The following CTNNA3 variants were observed in gnomAD, a reference collection of about 807,000 sequenced individuals.
The protein encoded by CTNNA3 is catenin alpha-3.
A neutral mutation model predicts 95.7 loss-of-function variants in CTNNA3; 76 were observed. That is an observed-to-expected ratio of 0.79 (90% confidence interval 0.66 to 0.96). CTNNA3 has a LOEUF of 0.96. Ranked by LOEUF, CTNNA3 falls within the 40% of genes least tolerant of loss-of-function variation. CTNNA3 has a pLI of 0.00. For synonymous variants in CTNNA3, 431 were observed against 374.4 expected (o/e 1.15, Z -1.74); for missense variants, 1,191 against 1,089.8 (o/e 1.09, Z -1.31).
At chr10:67,047,556 C>G (rs1854831699) in intron 7 of CTNNA3, among the ~76,000 whole-genome samples, 1 of 152,088 alleles carries the variant, frequency 6.6e-6, no homozygotes, top group African/African-American at 2.4e-5. Context: ...CACTTATCTA[C>G]CAAATCCAGT....
chr10:67,563,841 C>A (rs1048395169), intron 3 of CTNNA3, among the ~76,000 whole-genome samples: 1 of 150,056 alleles, frequency 6.7e-6, no homozygotes, highest in Non-Finnish European at 1.5e-5. Flanking sequence ...AGGATATGAA[C>A]AGACACTTCT....
intron 5 of CTNNA3, among the ~76,000 whole-genome samples, chr10:67,328,598 A>G (rs1841649953): frequency 6.6e-6 from 1 of 152,204 alleles, no homozygotes; most frequent in African/African-American, 2.4e-5. Flanking sequence ...GCTCCTTGCC[A>G]GTGCAACTCA....
chr10:66,081,688 A>G (rs2080768095), intron 14 of CTNNA3, among the ~76,000 whole-genome samples: 1 of 152,220 alleles, frequency 6.6e-6, no homozygotes, highest in South Asian at 2.1e-4. Flanking sequence ...ACTAATAAAT[A>G]TAGAAGAAGT....
intron 9 of CTNNA3, among the ~76,000 whole-genome samples, chr10:66,722,402 G>C (rs1171533610): frequency 1.3e-5 from 2 of 151,498 alleles, no homozygotes; most frequent in African/African-American, 4.8e-5. Flanking sequence ...ATGCTAAACT[G>C]TGGTTGATGT....
chr10:66,004,399 C>T (rs1422854848), intron 15 of CTNNA3, among the ~76,000 whole-genome samples: 1 of 151,808 alleles, frequency 6.6e-6, no homozygotes. Flanking sequence ...TCCTTTTTTT[C>T]CCATCTACTT....
intron 11 of CTNNA3, among the ~76,000 whole-genome samples, chr10:66,433,175 T>A (rs891348528): frequency 1.3e-5 from 2 of 152,160 alleles, no homozygotes; most frequent in Non-Finnish European, 2.9e-5. Flanking sequence ...CTAATGGGAT[T>A]GCTGGGTCAA....
At chr10:66,671,824 C>A (rs893759686) in intron 9 of CTNNA3, among the ~76,000 whole-genome samples, 1 of 152,030 alleles carries the variant, frequency 6.6e-6, no homozygotes, top group Non-Finnish European at 1.5e-5. Flanking sequence ...TTCTGTAAAA[C>A]GGGGATAAGA....
intron 13 of CTNNA3, among the ~76,000 whole-genome samples, chr10:66,250,152 G>T (rs189178828): frequency 6.6e-6 from 1 of 152,220 alleles, no homozygotes; most frequent in East Asian, 1.9e-4. Flanking sequence ...GAAATAGAAA[G>T]AAATGAGTCA....
chr10:67,614,251 C>T (rs1453168075), intron 2 of CTNNA3, among the ~76,000 whole-genome samples: 2 of 152,158 alleles, frequency 1.3e-5, no homozygotes, highest in Admixed American at 6.5e-5. Flanking sequence ...CTTCGTAAGA[C>T]AAAAAAGTTC....
intron 5 of CTNNA3, among the ~76,000 whole-genome samples, chr10:67,465,241 A>C (rs1455028653): frequency 6.6e-6 from 1 of 152,088 alleles, no homozygotes; most frequent in Non-Finnish European, 1.5e-5. Context: ...TATTTTTTTA[A>C]AGTAATTCTG....
rs142841227 is a variant in CTNNA3, at chr10:67,651,360, G to T, written c.-5-3842C>A. On this transcript the variant is annotated intron_variant, in intron 1 of 17. Transcript: ENST00000433211. ...TGATTTTTATTTACTCCTAAATGCA[G>T]AATTTTATTTTGTCTTCCTAACACC... Among the ~76,000 whole-genome samples, 91 of 152,184 alleles carry T rather than the reference G, an allele frequency of 6.0e-4. 2 individuals are homozygous for T. Among genetic ancestry groups the T allele is most frequent in the African/African-American group, 2.1e-3 (86 of 41,508 alleles).
intron 9 of CTNNA3, among the ~76,000 whole-genome samples, chr10:66,664,232 C>T (rs775284314): frequency 3.9e-5 from 6 of 152,066 alleles, no homozygotes; most frequent in Admixed American, 6.6e-5. Context: ...ATAGGGTTGA[C>T]ATTGAATAAT....
intron 7 of CTNNA3, among the ~76,000 whole-genome samples, chr10:67,163,931 C>A (rs553810568): frequency 6.6e-6 from 1 of 151,784 alleles, no homozygotes; most frequent in East Asian, 1.9e-4. Flanking sequence ...AAAACGTGTA[C>A]GACTTCTATA....
intron 7 of CTNNA3, among the ~76,000 whole-genome samples, chr10:66,914,644 T>C (rs1846392951): frequency 6.6e-6 from 1 of 151,478 alleles, no homozygotes; most frequent in Non-Finnish European, 1.5e-5. Context: ...AAAGATAACT[T>C]AAAAAGAGCT....
intron 3 of CTNNA3, among the ~76,000 whole-genome samples, chr10:67,547,229 T>C (rs975298542): frequency 1.3e-5 from 2 of 152,236 alleles, no homozygotes; most frequent in East Asian, 3.9e-4. Flanking sequence ...AAAATACAAG[T>C]ATAATAATTC....
At chr10:66,742,956 G>A (rs540143776) in intron 9 of CTNNA3, among the ~76,000 whole-genome samples, 18 of 152,068 alleles carry the variant, frequency 1.2e-4, no homozygotes, top group Non-Finnish European at 1.8e-4. Context: ...GTTTTCTACC[G>A]TTTATACATG....
chr10:67,047,781 C>A (rs1340928993), intron 7 of CTNNA3, among the ~76,000 whole-genome samples: 1 of 152,048 alleles, frequency 6.6e-6, no homozygotes, highest in Non-Finnish European at 1.5e-5. Context: ...TAACAGGTGG[C>A]TTTCCCCTTA....
At chr10:66,044,266 C>T (rs1158669053) in intron 15 of CTNNA3, among the ~76,000 whole-genome samples, 1 of 152,198 alleles carries the variant, frequency 6.6e-6, no homozygotes, top group African/African-American at 2.4e-5. Context: ...GCTGGGATTA[C>T]AGGCATGAGC....
chr10:67,301,982 AGAAAGAAAGAAC>A (rs1408823933), intron 5 of CTNNA3, among the ~76,000 whole-genome samples: 2 of 100,018 alleles, frequency 2.0e-5, no homozygotes, highest in East Asian at 3.4e-4. Flanking sequence ...GAAAAAAGAA[AGAAAGAAAGAAC>A]GAAAGAACGA....
Sources: allele counts gnomAD v4.1 joint callset (sites outside exome capture counted in the v4.1 genomes callset), GRCh38; gene constraint gnomAD v4.1.1; transcripts MANE v1.5; gene names NCBI Gene and HGNC (gene_info 2026-07-23, HGNC 2026-07-21).